DIP2C: variants seen among roughly 807,000 people sequenced by gnomAD.
The protein encoded by DIP2C is DIP2 acetate--CoA ligase C (putative).
Under a neutral mutation model 192.4 loss-of-function variants are expected in DIP2C, and 33 were observed. That is an observed-to-expected ratio of 0.17 (90% confidence interval 0.13 to 0.23). The LOEUF is 0.23. Among genes scored for constraint, DIP2C ranks in the 10% least tolerant of loss-of-function variants. DIP2C has a pLI of 1.00. For missense variants in DIP2C, 1,537 were observed against 2,110.1 expected, an observed-to-expected ratio of 0.73 and a Z score of 5.32; for synonymous variants, 979 against 864.1, an observed-to-expected ratio of 1.13 and a Z score of -2.33.
intron 1 of DIP2C, among the ~76,000 whole-genome samples, chr10:683,295 C>T (rs377261222): frequency 1.5e-3 from 230 of 152,334 alleles, no homozygotes; most frequent in South Asian, 3.9e-3. Flanking sequence ...CCGCAGCCAC[C>T]GCTGTCTTTC....
intron 1 of DIP2C, among the ~76,000 whole-genome samples, chr10:489,846 C>T (rs538050228): frequency 3.6e-5 from 4 of 110,092 alleles, no homozygotes; most frequent in East Asian, 2.8e-4. Flanking sequence ...ACTAGGGACA[C>T]GGTGGCTCTG....
chr10:294,481 C>G (rs778906801), intron 32 of DIP2C, among the ~76,000 whole-genome samples: 24 of 152,072 alleles, frequency 1.6e-4, no homozygotes, highest in Non-Finnish European at 3.1e-4. Context: ...GTGGTGTGTA[C>G]CCGCAGTCCC....
At chr10:446,665 A>C (rs868476345) in intron 3 of DIP2C, among the ~76,000 whole-genome samples, 2 of 152,348 alleles carry the variant, frequency 1.3e-5, no homozygotes, top group Middle Eastern at 6.8e-3. Context: ...AACTGTGGGC[A>C]GAGCGCCCCG....
At chr10:558,498 G>T (rs1349547754) in intron 1 of DIP2C, among the ~76,000 whole-genome samples, 1 of 152,276 alleles carries the variant, frequency 6.6e-6, no homozygotes, top group South Asian at 2.1e-4. Context: ...ATGTAGATAC[G>T]GGGGGTGGAG....
intron 1 of DIP2C, among the ~76,000 whole-genome samples, chr10:564,121 G>A (rs1057006123): frequency 1.3e-5 from 2 of 152,146 alleles, no homozygotes; most frequent in African/African-American, 2.4e-5. Flanking sequence ...AGACTTAGGG[G>A]AGCAAATTCT....
At chr10:497,078 C>T (rs181466532) in intron 1 of DIP2C, among the ~76,000 whole-genome samples, 2 of 152,250 alleles carry the variant, frequency 1.3e-5, no homozygotes, top group African/African-American at 2.4e-5. Context: ...GAGCTGAGAT[C>T]GTGCCACTGC....
chr10:607,547 A>G (rs757389654), intron 1 of DIP2C, among the ~76,000 whole-genome samples: 9 of 152,236 alleles, frequency 5.9e-5, no homozygotes, highest in Non-Finnish European at 8.8e-5. Context: ...CCACGTGGCT[A>G]AACTGTTCTG....
chr10:486,698 C>G (rs1363980123), intron 1 of DIP2C, 168 bp from the exon 2 acceptor site: 1 of 484,060 alleles, frequency 2.1e-6, no homozygotes, highest in African/African-American at 2.0e-5. Flanking sequence ...CCCCTGCTCT[C>G]GAACAAAAGC....
intron 1 of DIP2C, among the ~76,000 whole-genome samples, chr10:534,671 ATTTT>A (rs398045806): frequency 3.9e-5 from 4 of 101,820 alleles, no homozygotes; most frequent in Non-Finnish European, 7.6e-5. Context: ...GATGATTATT[ATTTT>A]TTTTTTTTTT....
intron 1 of DIP2C, among the ~76,000 whole-genome samples, chr10:616,370 G>A (rs926778550): frequency 6.6e-6 from 1 of 152,178 alleles, no homozygotes; most frequent in Admixed American, 6.5e-5. Context: ...AATTATTCAA[G>A]CAAGGATTGT....
In DIP2C at chr10:519,901, G is replaced by GCCAC. The variant is rs1175226120; in HGVS notation, c.86-33375_86-33372dup. 2.3e-5 allele frequency among the ~76,000 whole-genome samples: 3 copies of GCCAC among 128,030 alleles called. No homozygotes were observed. The East Asian group carries it at 8.6e-4, about 37-fold the overall frequency. 84.0% of individuals were successfully genotyped at this position (128,030 alleles called of 152,430 possible). A position where few individuals can be genotyped will look rare whatever the true frequency, so the allele number is the denominator to read the frequency against. ...ATGGCCACAAGGCTGCACACCCACAGCCACCCAGCCACTGAGACGTGGGCC... is the reference window on the plus strand; with the variant it reads ...ATGGCCACAAGGCTGCACACCCACAGCCACCCACCCAGCCACTGAGACGTGGGCC... On this transcript the variant is annotated intron_variant, in intron 1 of 36. Transcript: ENST00000280886.
chr10:300,225 C>G (rs1427269262), intron 32 of DIP2C, among the ~76,000 whole-genome samples: 2 of 152,170 alleles, frequency 1.3e-5, no homozygotes, highest in African/African-American at 4.8e-5. Context: ...CACAGCAGCC[C>G]AAAGGTGGAA....
At chr10:372,999 C>T (rs139450808) in intron 17 of DIP2C, among the ~76,000 whole-genome samples, 7 of 152,330 alleles carry the variant, frequency 4.6e-5, no homozygotes, top group Non-Finnish European at 7.4e-5. Flanking sequence ...CATAGGGACT[C>T]GCTTAAAACT....
intron 1 of DIP2C, among the ~76,000 whole-genome samples, chr10:676,392 T>A (rs1830877959): frequency 6.6e-6 from 1 of 151,892 alleles, no homozygotes; most frequent in Non-Finnish European, 1.5e-5. Context: ...TTCAACACAG[T>A]ACTGAAAGTC....
intron 1 of DIP2C, among the ~76,000 whole-genome samples, chr10:654,709 A>G (rs1856170979): frequency 6.6e-6 from 1 of 152,188 alleles, no homozygotes; most frequent in South Asian, 2.1e-4. Flanking sequence ...CCTCATTTTC[A>G]TAGAACTAAA....
intron 8 of DIP2C, among the ~76,000 whole-genome samples, chr10:411,761 C>T (rs948968767): frequency 3.3e-5 from 5 of 152,196 alleles, no homozygotes; most frequent in African/African-American, 4.8e-5. Flanking sequence ...AATTCTCATT[C>T]GACGAGCTTG....
At chr10:331,083 T>C (rs191431256) in intron 29 of DIP2C, among the ~76,000 whole-genome samples, 132 of 151,810 alleles carry the variant, frequency 8.7e-4, no homozygotes, top group African/African-American at 2.9e-3. Flanking sequence ...CCCAAAGTGC[T>C]AGGATTATAG....
At chr10:472,604 C>T (rs1970719004) in intron 2 of DIP2C, 55 bp from the exon 3 acceptor site, 5 of 1,442,740 alleles carry the variant, frequency 3.5e-6, no homozygotes, top group Non-Finnish European at 3.8e-6. Flanking sequence ...GCGGAGTCAG[C>T]AGACTCTAAC....
chr10:503,357 A>C (rs1337954559), intron 1 of DIP2C, among the ~76,000 whole-genome samples: 2 of 152,264 alleles, frequency 1.3e-5, no homozygotes, highest in East Asian at 3.8e-4. Context: ...CAAAGATCGA[A>C]CAGACACTTC....
Sources: gnomAD v4.1 joint callset for allele counts (sites outside exome capture counted in the v4.1 genomes callset) on GRCh38, gnomAD v4.1.1 for gene constraint, MANE v1.5 for transcripts, NCBI Gene and HGNC (gene_info 2026-07-23, HGNC 2026-07-21) for gene names.